The following SLC41A3 variants were observed in gnomAD, a reference collection of about 807,000 sequenced individuals.
SLC41A3 encodes the protein solute carrier family 41 member 3.
Under a neutral mutation model 45.4 loss-of-function variants are expected in SLC41A3, and 44 were observed. The ratio of observed to expected loss-of-function variants is 0.97; its 90% CI spans 0.76 to 1.25. The LOEUF (loss-of-function observed/expected upper bound fraction) is 1.25. SLC41A3 is among the 50% of genes most tolerant of loss of function. The probability of loss-of-function intolerance (pLI) is 0.00; values close to 1 mark genes in which losing one functional copy is unlikely to be tolerated. For missense variants in SLC41A3, 550 were observed against 600.6 expected (o/e 0.92, Z 0.88); for synonymous variants, 256 against 252.4 (o/e 1.01, Z -0.13).
At chr3:126,012,795 T>C (rs778171534) in intron 8 of SLC41A3, 46 bp from the exon 9 acceptor site, 2 of 1,609,624 alleles carry the variant, frequency 1.2e-6, no homozygotes, top group Non-Finnish European at 1.7e-6. Flanking sequence ...TACGCCAGTC[T>C]CTAAGTTGTA....
At position 126,023,056 on chromosome 3, in the gene SLC41A3, T is replaced by G; in HGVS notation, c.599-124A>C. ...GACTGGCAGGTGGCAGGGAGGCTGCTCATTAACTTGCCTCCCTCCACAAAG... is the reference window on the plus strand; with the variant it reads ...GACTGGCAGGTGGCAGGGAGGCTGCGCATTAACTTGCCTCCCTCCACAAAG... On this transcript the variant is annotated intron_variant, in intron 5 of 10. Coordinates refer to ENST00000360370, the MANE Select transcript of SLC41A3 (RefSeq NM_017836.4). 2.2e-6 allele frequency: 3 copies of G among 1,352,506 alleles called. No individual in the cohort carries two copies. In the South Asian group the frequency reaches 4.2e-5, roughly 19 times the overall value. 83.8% of individuals were successfully genotyped at this position (1,352,506 alleles called of 1,614,324 possible).
At chr3:126,059,293 A>G (rs562566692) in intron 2 of SLC41A3, among the ~76,000 whole-genome samples, 1 of 138,688 alleles carries the variant, frequency 7.2e-6, no homozygotes, top group Non-Finnish European at 1.6e-5. Flanking sequence ...AAAGAAAGAA[A>G]GAAAGAAAGA....
chr3:126,056,434 A>T (rs771269628), intron 2 of SLC41A3: 1 of 1,614,244 alleles, frequency 6.2e-7, no homozygotes, highest in South Asian at 1.1e-5. Flanking sequence ...GACCTGGCAC[A>T]TGATGGTGAA....
Position 126,051,089 on chromosome 3 carries a change from C to T in SLC41A3, c.274-39G>A, listed in dbSNP as rs373006328. On this transcript the variant is annotated intron_variant, in intron 2 of 10. Transcript: ENST00000360370. ...AGTAAGGAGATAAGCCAAACACACA[C>T]ATCAGCAAATCTCTGGAAATTTCTT... 34 of 1,521,072 alleles carry T rather than the reference C, an allele frequency of 2.2e-5. No individual in the cohort carries two copies. In the African/African-American group the frequency reaches 4.4e-4, roughly 20 times the overall value. 94.2% of individuals were successfully genotyped at this position (1,521,072 alleles called of 1,614,324 possible). A position where few individuals can be genotyped will look rare whatever the true frequency, so the allele number is the denominator to read the frequency against.
intron 2 of SLC41A3, among the ~76,000 whole-genome samples, chr3:126,060,311 C>T (rs778547747): frequency 3.3e-5 from 5 of 152,028 alleles, no homozygotes; most frequent in South Asian, 4.1e-4. Flanking sequence ...CCCAGCTACT[C>T]GGGAGGCTGA....
intron 2 of SLC41A3, 89 bp downstream of exon 2, chr3:126,067,858 C>A: frequency 6.8e-7 from 1 of 1,478,870 alleles, no homozygotes; most frequent in Non-Finnish European, 9.0e-7. Context: ...GCCCGACAAC[C>A]TTTAAGCTCA....
intron 1 of SLC41A3, among the ~76,000 whole-genome samples, chr3:126,072,366 AAAAAAT>A (rs1469522523): frequency 1.5e-5 from 2 of 132,482 alleles, no homozygotes; most frequent in Admixed American, 8.4e-5. Context: ...GAATTGTAAA[AAAAAAT>A]AAAAAAAAAA....
rs1173837000 is a variant in SLC41A3, at chr3:126,022,836, A to G, written c.695T>C (p.Ile232Thr). The change falls in exon 6 of 11, where the codon ATC becomes ACC. Residue 232 changes from isoleucine (I) to threonine (T), a missense_variant. Ile to Thr is a moderately conservative substitution (Grantham distance 89). Coordinates refer to ENST00000360370, the MANE Select transcript of SLC41A3 (RefSeq NM_017836.4). ...AACCAAAGCCAGAATGGACAGTGTG[A>G]TGAGGTCTCCCAGGCTGGCTGCAAT... ...TPIAASLGDLITLSILALVSS... is the reference protein window; with the variant it reads ...TPIAASLGDLTTLSILALVSS... 6.2e-7 allele frequency: 1 copy of G among 1,614,080 alleles called. No homozygotes were observed. Among genetic ancestry groups the G allele is most frequent in the Admixed American group, 1.7e-5 (1 of 60,006 alleles).
rs187091549 is a variant in SLC41A3, at chr3:126,026,302, C to A, written c.598+33G>T. The A allele has an allele frequency of 1.3e-6, 2 of 1,551,508 alleles. No individual in the cohort carries two copies. Among genetic ancestry groups the A allele is most frequent in the Admixed American group, 3.9e-5 (2 of 51,008 alleles). ...GGTGGGACCTCAGAGGAGCAGGGAG[C>A]GGGTGGGGGCTCACAGCTGGGGCAT... On this transcript the variant is annotated intron_variant, in intron 5 of 10. Coordinates refer to ENST00000360370, the MANE Select transcript of SLC41A3 (RefSeq NM_017836.4). The surrounding 1 kb of genome is among the most constrained non-coding windows in gnomAD (Gnocchi z 4.2).
chr3:126,093,860 A>G (rs565414836), intron 1 of SLC41A3, among the ~76,000 whole-genome samples: 2 of 152,220 alleles, frequency 1.3e-5, no homozygotes, highest in Non-Finnish European at 2.9e-5. Context: ...TGAAATAACT[A>G]TTCAGGGAAA....
chr3:126,094,989 A>G (rs974700802), intron 1 of SLC41A3, among the ~76,000 whole-genome samples: 4 of 152,266 alleles, frequency 2.6e-5, no homozygotes, highest in African/African-American at 9.6e-5. Context: ...CCCATACACA[A>G]TTGAATCTAG....
At chr3:126,012,568 T>G in intron 9 of SLC41A3, 47 bp downstream of exon 9, 2 of 1,607,226 alleles carry the variant, frequency 1.2e-6, no homozygotes, top group Non-Finnish European at 1.7e-6. Flanking sequence ...GATGTTTTCT[T>G]GTTTAAAGAA....
In SLC41A3 at chr3:126,068,136, T is replaced by C; in HGVS notation, c.84A>G (p.Thr28=). The change falls in exon 2 of 11, where the codon ACA becomes ACG. Residue 28 remains threonine, a synonymous_variant. Coordinates refer to ENST00000360370, the MANE Select transcript of SLC41A3 (RefSeq NM_017836.4). ...GELGLPHPLS[T]GGLPVASEDG... ...CTTCTGAGGCTACAGGGAGTCCTCC[T>C]GTGCTGAGGGGGTGAGGAAGCCCCA... 3 of 1,608,286 alleles carry C rather than the reference T, an allele frequency of 1.9e-6. No homozygotes were observed. Among genetic ancestry groups the C allele is most frequent in the Non-Finnish European group, 2.5e-6 (3 of 1,177,838 alleles).
At chr3:126,029,231 AT>A (rs1296535950) in intron 4 of SLC41A3, among the ~76,000 whole-genome samples, 1 of 152,184 alleles carries the variant, frequency 6.6e-6, no homozygotes, top group African/African-American at 2.4e-5. Flanking sequence ...TCAAATTATA[AT>A]CCCCAATGTT....
At chr3:126,025,943 A>G (rs1941301048) in intron 5 of SLC41A3, among the ~76,000 whole-genome samples, 1 of 152,200 alleles carries the variant, frequency 6.6e-6, no homozygotes, top group Non-Finnish European at 1.5e-5. Flanking sequence ...AGCCCATCAC[A>G]GGCCTGTGTG....
chr3:126,073,447 AAAAC>A (rs772786431), intron 1 of SLC41A3, among the ~76,000 whole-genome samples: 13 of 152,146 alleles, frequency 8.5e-5, no homozygotes, highest in Non-Finnish European at 1.2e-4. Flanking sequence ...AAAAAAAACA[AAAAC>A]AAACAAACAA....
At chr3:126,018,100 A>T (rs1260304473) in intron 6 of SLC41A3, among the ~76,000 whole-genome samples, 3 of 152,222 alleles carry the variant, frequency 2.0e-5, no homozygotes, top group Non-Finnish European at 4.4e-5. Flanking sequence ...TATTACAGTC[A>T]GCTGCTCACA....
Position 126,033,655 on chromosome 3 carries a change from G to T in SLC41A3, c.405C>A (p.Asp135Glu), listed in dbSNP as rs1398269287. Residue 135 changes from aspartate (D) to glutamate (E), a missense_variant, in exon 4 of 11, where the codon GAC becomes GAA. Transcript: ENST00000360370. The stretch of plus-strand genomic sequence containing the variant: ...TGATGACTCTGTGCTGCTCCTGGGG[G>T]TCATCAATTTGTCCAGTGTTGGCCT... ...STAANTGQID[D>E]PQEQHRVISS... The T allele has an allele frequency of 8.7e-6, 14 of 1,613,098 alleles. No individual in the cohort carries two copies. Among genetic ancestry groups the T allele is most frequent in the Middle Eastern group, 3.3e-4 (2 of 6,056 alleles).
intron 5 of SLC41A3, 108 bp from the exon 6 acceptor site, chr3:126,023,040 G>A: frequency 8.3e-6 from 12 of 1,446,264 alleles, no homozygotes; most frequent in Non-Finnish European, 1.1e-5. Context: ...GGACTGGCAG[G>A]TGGCAGGGAG....
Sources: allele counts gnomAD v4.1 joint callset (sites outside exome capture counted in the v4.1 genomes callset), GRCh38; gene constraint gnomAD v4.1.1; non-coding constraint Gnocchi (gnomAD v3.1); transcripts MANE v1.5; gene names NCBI Gene and HGNC (gene_info 2026-07-23, HGNC 2026-07-21).